VPS50: variants seen among roughly 807,000 people sequenced by gnomAD.
VPS50 encodes the protein syndetin.
VPS50 carries 70 observed loss-of-function variants against 139.7 expected under a neutral mutation model. That is an observed-to-expected ratio of 0.50 (90% CI 0.41 to 0.61). The LOEUF (loss-of-function observed/expected upper bound fraction) is 0.61, where lower values mean the gene tolerates loss of function less well. VPS50 is among the 20% of genes least tolerant of loss of function. The pLI is 0.00. For missense variants in VPS50, 921 were observed against 1,133.7 expected (o/e 0.81, Z 2.69); for synonymous variants, 365 against 376.7 (o/e 0.97, Z 0.36).
chr7:93,314,074 C>T (rs866519966), intron 20 of VPS50, among the ~76,000 whole-genome samples: 1 of 152,064 alleles, frequency 6.6e-6, no homozygotes, highest in African/African-American at 2.4e-5. Flanking sequence ...TCTCAGAGGC[C>T]TCTGACTAGC....
intron 9 of VPS50, among the ~76,000 whole-genome samples, chr7:93,266,820 A>G (rs193176881): frequency 6.6e-6 from 1 of 152,296 alleles, no homozygotes; most frequent in South Asian, 2.1e-4. Context: ...TGTACAGTTA[A>G]TGTCCACTAT....
intron 27 of VPS50, among the ~76,000 whole-genome samples, chr7:93,356,639 T>C (rs143525063): frequency 2.6e-5 from 4 of 152,310 alleles, no homozygotes; most frequent in African/African-American, 7.2e-5. Flanking sequence ...TGTATGACTA[T>C]ATAGATAACG....
chr7:93,345,642 C>T (rs1351031013), intron 23 of VPS50, among the ~76,000 whole-genome samples: 2 of 152,160 alleles, frequency 1.3e-5, no homozygotes, highest in Admixed American at 1.3e-4. Context: ...ATCAAGTGGG[C>T]TTCATCCCTG....
intron 6 of VPS50, 54 bp from the exon 7 acceptor site, chr7:93,258,105 T>C (rs1795545224): frequency 1.4e-6 from 1 of 730,490 alleles, no homozygotes; most frequent in Admixed American, 2.3e-5. Flanking sequence ...TCTGTGTGGA[T>C]AGTATTCTTA....
chr7:93,246,110 C>G (rs1206448701), intron 2 of VPS50: 1 of 1,521,836 alleles, frequency 6.6e-7, no homozygotes, highest in Admixed American at 2.0e-5. Context: ...AGTTAGAGCC[C>G]TAACGTGATG....
chr7:93,342,718 G>A (rs902824691), intron 23 of VPS50, among the ~76,000 whole-genome samples: 2 of 152,184 alleles, frequency 1.3e-5, no homozygotes, highest in South Asian at 2.1e-4. Flanking sequence ...CCCAGCAGGG[G>A]CACACTGACA....
intron 22 of VPS50, 133 bp downstream of exon 22, chr7:93,334,330 A>C (rs1431692648): frequency 3.3e-6 from 2 of 603,272 alleles, no homozygotes; most frequent in African/African-American, 3.8e-5. Context: ...TGCATATAGG[A>C]AGTAAAACAG....
intron 22 of VPS50, among the ~76,000 whole-genome samples, chr7:93,336,981 AG>A (rs1798085085): frequency 6.6e-6 from 1 of 152,204 alleles, no homozygotes; most frequent in Admixed American, 6.5e-5. Context: ...CAATCTTTAA[AG>A]GGTTATATCC....
At chr7:93,331,495 G>A (rs1226694995) in intron 21 of VPS50, among the ~76,000 whole-genome samples, 2 of 151,734 alleles carry the variant, frequency 1.3e-5, no homozygotes, top group African/African-American at 4.8e-5. Flanking sequence ...AGAGAAAATA[G>A]TTTTTTTAGC....
chr7:93,232,711 A>G (rs1227565952), intron 1 of VPS50, among the ~76,000 whole-genome samples: 3 of 152,070 alleles, frequency 2.0e-5, no homozygotes, highest in African/African-American at 7.2e-5. Flanking sequence ...TCCCAGAAAT[A>G]TTCGTTTAAA....
chr7:93,270,196 G>A (rs1045032647), intron 9 of VPS50, among the ~76,000 whole-genome samples: 1 of 151,524 alleles, frequency 6.6e-6, no homozygotes, highest in African/African-American at 2.4e-5. Context: ...AAGTGTATGA[G>A]TATAACTCAG....
In VPS50 at chr7:93,252,935, G is replaced by A. The variant is rs1471750163; in HGVS notation, c.225+160G>A. Among the ~76,000 whole-genome samples, 4 of 152,132 alleles carry A rather than the reference G, an allele frequency of 2.6e-5. No homozygotes were observed. The East Asian group carries it at 5.8e-4, about 22-fold the overall frequency. ...AAATCAACTGTCAGCATTGTTTGGC[G>A]ATGAAATTATTATTTTTTGAATGTA... On this transcript the variant is annotated intron_variant, in intron 3 of 27. Transcript: ENST00000305866.
At chr7:93,246,138 A>G in intron 2 of VPS50, 2 of 1,475,642 alleles carry the variant, frequency 1.4e-6, no homozygotes, top group Non-Finnish European at 1.8e-6. Context: ...TGGTAAGATT[A>G]TAGCTTCCGT....
intron 16 of VPS50, among the ~76,000 whole-genome samples, chr7:93,300,039 A>C (rs1340468690): frequency 6.6e-6 from 1 of 152,122 alleles, no homozygotes; most frequent in African/African-American, 2.4e-5. Flanking sequence ...TGGTGTTAGA[A>C]GAGAGAAGTC....
At chr7:93,296,675 A>G (rs1796820993) in intron 14 of VPS50, 67 bp from the exon 15 acceptor site, 1 of 1,555,876 alleles carries the variant, frequency 6.4e-7, no homozygotes, top group African/African-American at 1.4e-5. Flanking sequence ...ACTATAGAGT[A>G]AATGCTTCTG....
rs1003072899 is a variant in VPS50 at position 93,342,727 on chromosome 7, C to A, written c.2207+1152C>A. Reference sequence around the variant, plus strand: ...GCACCCCCCAGCAGGGGCACACTGACACCTCACACGACTGGGTACTCCAAC... The same window carrying A: ...GCACCCCCCAGCAGGGGCACACTGAAACCTCACACGACTGGGTACTCCAAC... On this transcript the variant is annotated intron_variant, in intron 23 of 27. Coordinates refer to ENST00000305866, the MANE Select transcript of VPS50 (RefSeq NM_017667.4). 1.1e-4 allele frequency among the ~76,000 whole-genome samples: 17 copies of A among 152,230 alleles called. No individual in the cohort carries two copies. In the East Asian group the frequency reaches 3.3e-3, roughly 29 times the overall value.
At chr7:93,235,884 T>G (rs931468808) in intron 1 of VPS50, among the ~76,000 whole-genome samples, 10 of 152,174 alleles carry the variant, frequency 6.6e-5, no homozygotes, top group Non-Finnish European at 1.3e-4. Flanking sequence ...GCATATAAAC[T>G]GGTTAAGATC....
intron 16 of VPS50, among the ~76,000 whole-genome samples, chr7:93,302,111 T>C (rs1431219276): frequency 6.6e-6 from 1 of 152,216 alleles, no homozygotes; most frequent in Non-Finnish European, 1.5e-5. Context: ...TTGGGTTATT[T>C]GTTTTCTGTT....
At chr7:93,236,698 C>T (rs1794811190) in intron 1 of VPS50, among the ~76,000 whole-genome samples, 1 of 152,030 alleles carries the variant, frequency 6.6e-6, no homozygotes, top group Non-Finnish European at 1.5e-5. Flanking sequence ...ATAAGAATGA[C>T]TTCATTTGTT....
Sources: gnomAD v4.1 joint callset for allele counts (sites outside exome capture counted in the v4.1 genomes callset) on GRCh38, gnomAD v4.1.1 for gene constraint, MANE v1.5 for transcripts, NCBI Gene and HGNC (gene_info 2026-07-23, HGNC 2026-07-21) for gene names.